The following LRRC37A variants were observed in gnomAD, a reference collection of about 807,000 sequenced individuals.
LRRC37A encodes the protein leucine-rich repeat-containing protein 37A.
A neutral mutation model predicts 35.4 loss-of-function variants in LRRC37A; 3 were observed. The ratio of observed to expected loss-of-function variants is 0.08; its 90% CI spans 0.04 to 0.22. The LOEUF (loss-of-function observed/expected upper bound fraction) is 0.22, where lower values mean the gene tolerates loss of function less well. LRRC37A is among the 10% of genes least tolerant of loss of function. LRRC37A has a pLI of 1.00. For synonymous variants in LRRC37A, 23 were observed against 215.0 expected (o/e 0.11, Z 7.81); for missense variants, 67 against 565.3 (o/e 0.12, Z 8.94).
At chr17:46,292,159 C>T, upstream of LRRC37A, among the ~76,000 whole-genome samples, 1 of 111,246 alleles carries the variant, frequency 9.0e-6, no homozygotes. Flanking sequence ...TGGTGAAACC[C>T]CGTCTCTACT....
the LRRC37A span, among the ~76,000 whole-genome samples, chr17:46,266,720 G>A: frequency 1.5e-3 from 234 of 152,248 alleles, no homozygotes; most frequent in African/African-American, 5.5e-3. Context: ...GTAGTGCGGA[G>A]CCCTGGGAGC....
intron 3 of LRRC37A, among the ~76,000 whole-genome samples, chr17:46,305,120 C>T (rs1466079365): frequency 2.3e-5 from 2 of 86,608 alleles, no homozygotes; most frequent in East Asian, 3.2e-4. Context: ...CTGCCAGCCT[C>T]GGCCTCCGAA....
chr17:46,249,340 CTCCTT>C, the LRRC37A span, among the ~76,000 whole-genome samples: 1 of 152,120 alleles, frequency 6.6e-6, no homozygotes, highest in Non-Finnish European at 1.5e-5. Flanking sequence ...GTTGCAGAGT[CTCCTT>C]TACACTTGCT....
chr17:46,265,076 C>T, the LRRC37A span, among the ~76,000 whole-genome samples: 2 of 152,222 alleles, frequency 1.3e-5, no homozygotes, highest in Non-Finnish European at 2.9e-5. Context: ...GTCTGGAGAA[C>T]CTGACTCTGG....
chr17:46,290,819 A>G (rs990523836), upstream of LRRC37A, among the ~76,000 whole-genome samples: 1 of 152,260 alleles, frequency 6.6e-6, no homozygotes, highest in Non-Finnish European at 1.5e-5. Context: ...AAAAACAAAC[A>G]AAAAACCCAC....
the LRRC37A span, among the ~76,000 whole-genome samples, chr17:46,254,190 A>G: frequency 6.6e-6 from 1 of 152,086 alleles, no homozygotes; most frequent in Non-Finnish European, 1.5e-5. Context: ...ACCATGCTAG[A>G]ATGAGTCCAG....
chr17:46,290,461 TAC>T (rs1250420286), upstream of LRRC37A, among the ~76,000 whole-genome samples: 2 of 152,222 alleles, frequency 1.3e-5, no homozygotes, highest in Non-Finnish European at 2.9e-5. Flanking sequence ...TCTCTGAAGC[TAC>T]AGTTTTTTGT....
At chr17:46,258,876 G>A in the LRRC37A span, among the ~76,000 whole-genome samples, 10 of 151,172 alleles carry the variant, frequency 6.6e-5, no homozygotes, top group Non-Finnish European at 7.4e-5. Context: ...CACCACGCCC[G>A]GCTAATTTTT....
At chr17:46,267,233 G>T in the LRRC37A span, 1 of 748,640 alleles carries the variant, frequency 1.3e-6, no homozygotes, top group South Asian at 2.0e-5. Context: ...CAGGGCGCCC[G>T]ACCCATGCGG....
the LRRC37A span, among the ~76,000 whole-genome samples, chr17:46,269,524 AAAAC>A: frequency 5.9e-5 from 9 of 152,356 alleles, no homozygotes; most frequent in South Asian, 6.2e-4. Context: ...CTCCGTCTCA[AAAAC>A]AAACAAAGTG....
the LRRC37A span, among the ~76,000 whole-genome samples, chr17:46,255,662 G>GGCCTCA: frequency 6.7e-6 from 1 of 149,774 alleles, no homozygotes; most frequent in East Asian, 2.0e-4. Flanking sequence ...CACCGCGCCC[G>GGCCTCA]GCCCCCAAAT....
At chr17:46,268,382 C>A in the LRRC37A span, 24 of 804,126 alleles carry the variant, frequency 3.0e-5, no homozygotes, top group Non-Finnish European at 4.0e-5. Flanking sequence ...GACTAAATAT[C>A]AGTTTCAACT....
chr17:46,284,586 G>T, the LRRC37A span, among the ~76,000 whole-genome samples: 190 of 152,276 alleles, frequency 1.2e-3, no homozygotes, highest in Middle Eastern at 3.4e-3. Context: ...CCCACAGTGT[G>T]GGGGGTGGAA....
intron 10 of LRRC37A, chr17:46,334,857 A>T (rs1191256223): frequency 7.2e-6 from 1 of 137,954 alleles, no homozygotes; most frequent in Non-Finnish European, 1.6e-5. Flanking sequence ...TGAAGAAAAA[A>T]AAACCAATAA....
the LRRC37A span, among the ~76,000 whole-genome samples, chr17:46,249,492 G>A: frequency 3.3e-5 from 5 of 152,086 alleles, no homozygotes; most frequent in East Asian, 7.7e-4. Flanking sequence ...TCTTTCTTCC[G>A]GAAACACACT....
chr17:46,284,652 C>T, the LRRC37A span, among the ~76,000 whole-genome samples: 1 of 152,200 alleles, frequency 6.6e-6, no homozygotes, highest in Non-Finnish European at 1.5e-5. Flanking sequence ...TGAGCTGTCA[C>T]TGAGTGATGC....
the LRRC37A span, among the ~76,000 whole-genome samples, chr17:46,279,468 G>A: frequency 4.0e-5 from 6 of 150,128 alleles, no homozygotes; most frequent in Admixed American, 6.6e-5. Flanking sequence ...ACAGGCATGA[G>A]CCACCGCACC....
At chr17:46,309,176 A>G (rs2050681251) in intron 5 of LRRC37A, among the ~76,000 whole-genome samples, 1 of 61,984 alleles carries the variant, frequency 1.6e-5, no homozygotes, top group Admixed American at 1.8e-4. Context: ...AAGTCAAACA[A>G]CCATATCGAG....
upstream of LRRC37A, among the ~76,000 whole-genome samples, chr17:46,287,908 T>C (rs1567855840): frequency 6.6e-6 from 1 of 152,330 alleles, no homozygotes; most frequent in Non-Finnish European, 1.5e-5. Context: ...CAAACGCTTA[T>C]ACAGTGTGTC....
Sources: allele counts gnomAD v4.1 joint callset (sites outside exome capture counted in the v4.1 genomes callset), GRCh38; gene constraint gnomAD v4.1.1; transcripts MANE v1.5; gene names NCBI Gene and HGNC (gene_info 2026-07-23, HGNC 2026-07-21).